Variants in EPN1 observed in about 807,000 individuals in gnomAD.
EPN1 encodes epsin-1.
EPN1 carries 25 observed loss-of-function variants against 56.9 expected under a neutral mutation model. The ratio of observed to expected loss-of-function variants is 0.44; its 90% CI spans 0.32 to 0.61. EPN1 has a LOEUF of 0.61. Among genes scored for constraint, EPN1 ranks in the 20% least tolerant of loss-of-function variants. EPN1 has a pLI of 0.05. For synonymous variants in EPN1, 411 were observed against 361.8 expected (o/e 1.14, Z -1.54); for missense variants, 785 against 823.7 (o/e 0.95, Z 0.58).
rs745987672 is a variant in EPN1, at chr19:55,709,083, A to AT, written c.*13732dup. On this transcript the variant is annotated 3_prime_UTR_variant, in exon 11 of 11. Coordinates refer to ENST00000270460, the MANE Select transcript of EPN1 (RefSeq NM_001130072.2). ...AATAAAGTTTTTTTTTTTGTTTTTCATTTTTACACAGTATTGCCTCTCTAC... is the reference window on the plus strand; with the variant it reads ...AATAAAGTTTTTTTTTTTGTTTTTCATTTTTTACACAGTATTGCCTCTCTAC... 3 of 1,498,308 alleles carry AT rather than the reference A, an allele frequency of 2.0e-6. No homozygotes were observed. In the South Asian group the frequency reaches 3.9e-5, roughly 19 times the overall value. 92.8% of individuals were successfully genotyped at this position (1,498,308 alleles called of 1,614,324 possible). A position where few individuals can be genotyped will look rare whatever the true frequency, so the allele number is the denominator to read the frequency against.
In EPN1 at chr19:55,702,436, A is replaced by G. The variant is rs897513067; in HGVS notation, c.*7080A>G. 6.6e-6 allele frequency: 1 copy of G among 152,238 alleles called. No homozygotes were observed. The highest frequency in any genetic ancestry group is 2.4e-5 in the African/African-American group (1 of 41,460). 9.4% of individuals were successfully genotyped at this position (152,238 alleles called of 1,614,324 possible). On this transcript the variant is annotated 3_prime_UTR_variant, in exon 11 of 11. Transcript: ENST00000270460. The stretch of plus-strand genomic sequence containing the variant: ...CAGCTTCCCTTAGTGTGCCTAAAGA[A>G]AGGGAAAGGAATGTGCTTTAGGCCC...
At position 55,701,155 on chromosome 19, in the gene EPN1, A is replaced by C. The variant is rs1987121396; in HGVS notation, c.*5799A>C. The C allele has an allele frequency of 6.6e-6, 1 of 152,116 alleles. No homozygotes were observed. The highest frequency in any genetic ancestry group is 1.5e-5 in the Non-Finnish European group (1 of 68,044). The allele number at this position is 152,116 out of a possible 1,614,324, so 9.4% of individuals were successfully genotyped here. A position where few individuals can be genotyped will look rare whatever the true frequency, so the allele number is the denominator to read the frequency against. Reference sequence around the variant, plus strand: ...TGACAGCCACATGAAAAGGGTTAGAAATGATACTGTTTCGCCTGGGTGCTG... The same window carrying C: ...TGACAGCCACATGAAAAGGGTTAGACATGATACTGTTTCGCCTGGGTGCTG... On this transcript the variant is annotated 3_prime_UTR_variant, in exon 11 of 11. Transcript: ENST00000270460.
chr19:55,682,661 G>A (rs1985893270), intron 2 of EPN1, among the ~76,000 whole-genome samples: 1 of 152,068 alleles, frequency 6.6e-6, no homozygotes, highest in South Asian at 2.1e-4. Flanking sequence ...TTGAACTCCT[G>A]GACTCAAGCG....
Position 55,708,964 on chromosome 19 carries a change from G to A in EPN1, c.*13608G>A. The A allele has an allele frequency of 6.3e-7, 1 of 1,589,790 alleles. No homozygotes were observed. The highest frequency in any genetic ancestry group is 8.5e-7 in the Non-Finnish European group (1 of 1,170,948). ...TTCCTCGTCAATCCAAGGTCCATGTGAAATGGTCAGATGGGGAATTTTTTC... is the reference window on the plus strand; with the variant it reads ...TTCCTCGTCAATCCAAGGTCCATGTAAAATGGTCAGATGGGGAATTTTTTC... On this transcript the variant is annotated 3_prime_UTR_variant, in exon 11 of 11. Coordinates refer to ENST00000270460, the MANE Select transcript of EPN1 (RefSeq NM_001130072.2).
In EPN1 at chr19:55,695,174, A is replaced by G; in HGVS notation, c.1549A>G (p.Thr517Ala). 2.5e-6 allele frequency: 4 copies of G among 1,613,644 alleles called. No homozygotes were observed. Among genetic ancestry groups the G allele is most frequent in the Non-Finnish European group, 2.5e-6 (3 of 1,179,818 alleles). Residue 517 changes from threonine (T) to alanine (A), a missense_variant, in exon 11 of 11, where the codon ACC (threonine) becomes GCC (alanine). Thr to Ala is a moderately conservative substitution (Grantham distance 58). Transcript: ENST00000270460. The surrounding 1 kb of genome is among the most constrained non-coding windows in gnomAD (Gnocchi z 4.4). The part of the protein sequence containing the change: ...GGGPATGPSV[T>A]NPFQPAPPAT... ...AGGCCCAGCCACTGGCCCTTCCGTC[A>G]CCAACCCCTTCCAGCCCGCGCCTCC...
intron 2 of EPN1, among the ~76,000 whole-genome samples, chr19:55,684,580 C>T (rs935532694): frequency 1.3e-5 from 2 of 152,192 alleles, no homozygotes; most frequent in African/African-American, 2.4e-5. Flanking sequence ...CCTTTTGCTC[C>T]TGGTGGTGTG....
intron 2 of EPN1, among the ~76,000 whole-genome samples, chr19:55,680,432 T>C (rs932960952): frequency 3.9e-5 from 6 of 152,130 alleles, no homozygotes; most frequent in African/African-American, 9.7e-5. Flanking sequence ...CAGCAGAGCC[T>C]GTAGGATCCC....
Position 55,708,867 on chromosome 19 carries a change from G to A in EPN1, c.*13511G>A, listed in dbSNP as rs200640694. On this transcript the variant is annotated 3_prime_UTR_variant, in exon 11 of 11. Transcript: ENST00000270460. ...GGTGCCAGGTGAAGGTCCCACTGTG[G>A]CCAAGGAAAGCCTTTGTGAGACGAC... is the stretch of plus-strand genomic sequence containing the variant. The A allele has an allele frequency of 4.1e-6, 6 of 1,450,278 alleles. No homozygotes were observed. The African/African-American group carries it at 5.9e-5, about 14-fold the overall frequency. 89.8% of individuals were successfully genotyped at this position (1,450,278 alleles called of 1,614,324 possible).
At chr19:55,682,826 G>A (rs1040197681) in intron 2 of EPN1, among the ~76,000 whole-genome samples, 4 of 144,938 alleles carry the variant, frequency 2.8e-5, no homozygotes, top group African/African-American at 1.1e-4. Flanking sequence ...GCACCACCTC[G>A]GCTCACTGCA....
intron 2 of EPN1, among the ~76,000 whole-genome samples, chr19:55,682,787 C>T (rs891148330): frequency 5.9e-5 from 9 of 151,464 alleles, no homozygotes; most frequent in East Asian, 3.9e-4. Flanking sequence ...GACGGAGTCT[C>T]GCTGTGTTGC....
rs116899363 is a variant in EPN1, at chr19:55,697,153, G to A, written c.*1797G>A. ...AATGGGGACTGTTACCGGGGGAGGGGGTGCTGTCCCCAGGCAGCAGCAAGC... is the reference window on the plus strand; with the variant it reads ...AATGGGGACTGTTACCGGGGGAGGGAGTGCTGTCCCCAGGCAGCAGCAAGC... On this transcript the variant is annotated 3_prime_UTR_variant, in exon 11 of 11. Coordinates refer to ENST00000270460, the MANE Select transcript of EPN1 (RefSeq NM_001130072.2). 2,991 of 152,344 alleles carry A rather than the reference G, an allele frequency of 0.02. 46 individuals are homozygous for A. Among genetic ancestry groups the A allele is most frequent in the Non-Finnish European group, 0.029 (2,005 of 68,076 alleles). The allele number at this position is 152,344 out of a possible 1,614,324, so 9.4% of individuals were successfully genotyped here. A position where few individuals can be genotyped will look rare whatever the true frequency, so the allele number is the denominator to read the frequency against.
Position 55,706,025 on chromosome 19 carries a change from C to T in EPN1, c.*10669C>T, listed in dbSNP as rs867908210. The T allele has an allele frequency of 2.7e-5, 5 of 183,780 alleles. No homozygotes were observed. The highest frequency in any genetic ancestry group is 7.2e-5 in the African/African-American group (3 of 41,674). The allele number at this position is 183,780 out of a possible 1,614,324, so 11.4% of individuals were successfully genotyped here. A position where few individuals can be genotyped will look rare whatever the true frequency, so the allele number is the denominator to read the frequency against. On this transcript the variant is annotated 3_prime_UTR_variant, in exon 11 of 11. Transcript: ENST00000270460. ...GTCTGCATAGCAGTTACAAAGAAGG[C>T]CTTATTATCTGGAAGAAAAGGGACC...
At position 55,691,677 on chromosome 19, in the gene EPN1, C is replaced by T. The variant is rs138145195; in HGVS notation, c.763-77C>T. 2.7e-4 allele frequency: 383 copies of T among 1,404,112 alleles called. 2 individuals are homozygous for T. The African/African-American group carries it at 4.4e-3, about 16-fold the overall frequency. 87.0% of individuals were successfully genotyped at this position (1,404,112 alleles called of 1,614,324 possible). A position where few individuals can be genotyped will look rare whatever the true frequency, so the allele number is the denominator to read the frequency against. The stretch of plus-strand genomic sequence containing the variant: ...ACCCAGGGCCTGGCCGCCTCCCCCG[C>T]CACGGGCCCCAGCTTGGTCCCTGTC... On this transcript the variant is annotated intron_variant, in intron 6 of 10. Coordinates refer to ENST00000270460, the MANE Select transcript of EPN1 (RefSeq NM_001130072.2). This position sits in a 1 kb window ranked among gnomAD's most constrained non-coding sequence, Gnocchi z 5.6.
chr19:55,694,889 G>A lies in EPN1; in HGVS notation c.1428G>A (p.Gly476=), dbSNP rs779027311. ...GGAAGACGCCGGAGTCATTCCTGGG[G>A]CCCAATGCAGCCCTCGTCGACCTGG... ...PTRKTPESFL[G]PNAALVDLDS... Residue 476 remains glycine, a synonymous_variant, in exon 10 of 11, where the codon GGG becomes GGA. Coordinates refer to ENST00000270460, the MANE Select transcript of EPN1 (RefSeq NM_001130072.2). The surrounding 1 kb of genome is among the most constrained non-coding windows in gnomAD (Gnocchi z 4.2). 1.3e-6 allele frequency: 2 copies of A among 1,598,158 alleles called. No homozygotes were observed. The highest frequency in any genetic ancestry group is 1.7e-6 in the Non-Finnish European group (2 of 1,172,780).
intron 3 of EPN1, among the ~76,000 whole-genome samples, chr19:55,688,494 G>A (rs959504845): frequency 1.3e-5 from 2 of 152,284 alleles, no homozygotes; most frequent in Non-Finnish European, 2.9e-5. Context: ...AACAGGCCTG[G>A]GAAACCTGGG....
Position 55,692,950 on chromosome 19 carries a change from G to C in EPN1, c.1178-1G>C, listed in dbSNP as rs1040457920. The C allele has an allele frequency of 6.2e-6, 10 of 1,613,410 alleles. No homozygotes were observed. The highest frequency in any genetic ancestry group is 8.5e-6 in the Non-Finnish European group (10 of 1,179,722). ...CTGAGCAGAACATCCTGACCCCACA[G>C]CAGCCGGGGGATTCGACACGGAGCC... On this transcript the variant is annotated splice_acceptor_variant, in intron 8 of 10. Transcript: ENST00000270460. LOFTEE classifies it high-confidence loss of function.
At position 55,708,054 on chromosome 19, in the gene EPN1, A is replaced by G. The variant is rs1390530375; in HGVS notation, c.*12698A>G. On this transcript the variant is annotated 3_prime_UTR_variant, in exon 11 of 11. Transcript: ENST00000270460. The stretch of plus-strand genomic sequence containing the variant: ...GAAAACCTGGAAGTAAAATTAAGCA[A>G]GTAAGTGCGAGCACTCTACATTGAA... 6.6e-6 allele frequency: 1 copy of G among 152,310 alleles called. No homozygotes were observed. The highest frequency in any genetic ancestry group is 6.5e-5 in the Admixed American group (1 of 15,290). The allele number at this position is 152,310 out of a possible 1,614,324, so 9.4% of individuals were successfully genotyped here.
rs745750069 is a variant in EPN1, at chr19:55,678,620, C to T, written c.-8C>T. The T allele has an allele frequency of 1.3e-5, 21 of 1,603,564 alleles. No individual in the cohort carries two copies. Among genetic ancestry groups the T allele is most frequent in the Admixed American group, 5.1e-5 (3 of 58,434 alleles). ...GCCCTGTGCCCCTTGCTGCTGCAGC[C>T]GGGCACCATGTCGACCTCGTCCTTG... On this transcript the variant is annotated 5_prime_UTR_variant, in exon 2 of 11. Coordinates refer to ENST00000270460, the MANE Select transcript of EPN1 (RefSeq NM_001130072.2).
In EPN1 at chr19:55,705,789, G is replaced by C. The variant is rs929900908; in HGVS notation, c.*10433G>C. ...CAACAGTCATACTGACATTGTGGCTGGAATATTTGTTGTTGTGGGATATAT... is the reference window on the plus strand; with the variant it reads ...CAACAGTCATACTGACATTGTGGCTCGAATATTTGTTGTTGTGGGATATAT... On this transcript the variant is annotated 3_prime_UTR_variant, in exon 11 of 11. Transcript: ENST00000270460. 1.7e-5 allele frequency: 2 copies of C among 116,334 alleles called. No individual in the cohort carries two copies. Among genetic ancestry groups the C allele is most frequent in the Non-Finnish European group, 3.7e-5 (2 of 53,424 alleles). The allele number at this position is 116,334 out of a possible 1,614,324, so 7.2% of individuals were successfully genotyped here.
Sources: gnomAD v4.1 joint callset for allele counts (sites outside exome capture counted in the v4.1 genomes callset) on GRCh38, gnomAD v4.1.1 for gene constraint, Gnocchi (gnomAD v3.1) non-coding constraint, MANE v1.5 for transcripts, NCBI Gene and HGNC (gene_info 2026-07-23, HGNC 2026-07-21) for gene names.